DIAPH3: variants seen among roughly 807,000 people sequenced by gnomAD.
The protein encoded by DIAPH3 is diaphanous related formin 3.
A neutral mutation model predicts 144.3 loss-of-function variants in DIAPH3; 117 were observed. That is an observed-to-expected ratio of 0.81 (90% CI 0.70 to 0.95). DIAPH3 has a LOEUF of 0.95. Ranked by LOEUF, DIAPH3 falls within the 40% of genes least tolerant of loss-of-function variation. The pLI, the probability that DIAPH3 is intolerant of heterozygous loss-of-function variation, is 0.00. For synonymous variants in DIAPH3, 519 were observed against 488.9 expected (o/e 1.06, Z -0.81); for missense variants, 1,421 against 1,412.7 (o/e 1.01, Z -0.09).
At chr13:59,741,207 A>T (rs538523426) in intron 27 of DIAPH3, among the ~76,000 whole-genome samples, 21 of 152,344 alleles carry the variant, frequency 1.4e-4, no homozygotes, top group Admixed American at 2.0e-4. Context: ...AGAAATACAA[A>T]GGGAAGCTTT....
intron 4 of DIAPH3, among the ~76,000 whole-genome samples, chr13:60,067,944 GAATAATTCCATT>G (rs1288340801): frequency 6.6e-6 from 1 of 152,036 alleles, no homozygotes; most frequent in African/African-American, 2.4e-5. Flanking sequence ...TACACATAGA[GAATAATTCCATT>G]ATTTCTTAAT....
intron 7 of DIAPH3, among the ~76,000 whole-genome samples, chr13:60,014,386 G>A (rs560975707): frequency 2.0e-4 from 31 of 152,080 alleles, no homozygotes; most frequent in African/African-American, 2.9e-4. Flanking sequence ...TCAAAGAACC[G>A]TGAATTCAGC....
Position 59,701,905 on chromosome 13 carries a change from G to C in DIAPH3, c.3320-35059C>G, listed in dbSNP as rs142220235. 5.9e-5 allele frequency among the ~76,000 whole-genome samples: 9 copies of C among 152,290 alleles called. No homozygotes were observed. The South Asian group carries it at 1.7e-3, about 28-fold the overall frequency. On this transcript the variant is annotated intron_variant, in intron 27 of 27. Transcript: ENST00000400324. Reference sequence around the variant, plus strand: ...ATTCTTTCCTACTAGAAAGTTTAGCGTTCCTTAAAACCTCTGATATTTGAC... The same window carrying C: ...ATTCTTTCCTACTAGAAAGTTTAGCCTTCCTTAAAACCTCTGATATTTGAC...
intron 13 of DIAPH3, among the ~76,000 whole-genome samples, chr13:59,983,313 A>C (rs978081081): frequency 5.3e-5 from 8 of 151,340 alleles, no homozygotes; most frequent in African/African-American, 1.9e-4. Flanking sequence ...GCCTATGGAG[A>C]ATTTGTAACA....
At chr13:59,671,398 C>G (rs1315436669) in intron 27 of DIAPH3, among the ~76,000 whole-genome samples, 1 of 152,200 alleles carries the variant, frequency 6.6e-6, no homozygotes, top group Non-Finnish European at 1.5e-5. Flanking sequence ...TCACCATACA[C>G]ACTTTTAAAT....
At chr13:59,962,239 T>C (rs1182892874) in intron 17 of DIAPH3, among the ~76,000 whole-genome samples, 4 of 152,290 alleles carry the variant, frequency 2.6e-5, no homozygotes, top group Middle Eastern at 3.4e-3. Context: ...CCATTGACAG[T>C]CAAAGAAGTG....
chr13:60,116,145 T>C (rs1042447353), intron 2 of DIAPH3, among the ~76,000 whole-genome samples: 12 of 152,076 alleles, frequency 7.9e-5, no homozygotes, highest in African/African-American at 2.9e-4. Context: ...CAATCAACAG[T>C]TGTCTATTAG....
At chr13:59,977,802 T>C (rs1046534696) in intron 14 of DIAPH3, among the ~76,000 whole-genome samples, 1 of 151,774 alleles carries the variant, frequency 6.6e-6, no homozygotes, top group African/African-American at 2.4e-5. Context: ...AGTGTTGTTA[T>C]TTGGGGAAAA....
At chr13:60,025,771 T>C (rs2054334141) in intron 5 of DIAPH3, among the ~76,000 whole-genome samples, 1 of 151,730 alleles carries the variant, frequency 6.6e-6, no homozygotes, top group Non-Finnish European at 1.5e-5. Context: ...AAACATAATT[T>C]GGGATTAAAG....
intron 20 of DIAPH3, among the ~76,000 whole-genome samples, chr13:59,903,375 A>G (rs962250760): frequency 2.6e-5 from 4 of 152,162 alleles, no homozygotes; most frequent in African/African-American, 9.7e-5. Context: ...AATGTTTTTT[A>G]TAAGTGTTTC....
chr13:60,023,515 C>T (rs2054165326), intron 5 of DIAPH3, among the ~76,000 whole-genome samples: 1 of 151,826 alleles, frequency 6.6e-6, no homozygotes, highest in Non-Finnish European at 1.5e-5. Context: ...CTCACTGCAA[C>T]CTCTGCCTCC....
intron 9 of DIAPH3, among the ~76,000 whole-genome samples, chr13:59,998,236 GAAC>G (rs916804878): frequency 3.3e-5 from 5 of 152,026 alleles, no homozygotes; most frequent in African/African-American, 1.2e-4. Context: ...GGATACTAAA[GAAC>G]AAACTTGAAT....
intron 4 of DIAPH3, among the ~76,000 whole-genome samples, chr13:60,082,726 A>G (rs991778669): frequency 6.6e-6 from 1 of 152,114 alleles, no homozygotes; most frequent in Non-Finnish European, 1.5e-5. Context: ...GGAATCTACT[A>G]AAGAAGAAAC....
chr13:59,974,647 A>C (rs2050570463), intron 14 of DIAPH3, among the ~76,000 whole-genome samples, 191 bp from the exon 15 acceptor site: 1 of 151,546 alleles, frequency 6.6e-6, no homozygotes. Context: ...CCCAACCAAA[A>C]TCGTTCATTC....
chr13:60,015,909 A>G lies in DIAPH3; in HGVS notation c.771+4T>C. ...GGACAAATACTAATTACGTATGTAC[A>G]TACCTGCGTATTCATCAGGGCTTTT... On this transcript the variant is annotated splice_donor_region_variant and intron_variant, in intron 7 of 27. Coordinates refer to ENST00000400324, the MANE Select transcript of DIAPH3 (RefSeq NM_001042517.2). 1.9e-6 allele frequency: 3 copies of G among 1,609,574 alleles called. No individual in the cohort carries two copies. Among genetic ancestry groups the G allele is most frequent in the Non-Finnish European group, 2.5e-6 (3 of 1,176,876 alleles).
chr13:60,027,915 C>T (rs577741263), intron 5 of DIAPH3, among the ~76,000 whole-genome samples: 14 of 152,146 alleles, frequency 9.2e-5, no homozygotes, highest in East Asian at 1.9e-4. Context: ...CCGCTTGTCC[C>T]CACCCTAAAT....
intron 1 of DIAPH3, among the ~76,000 whole-genome samples, chr13:60,160,424 T>C (rs551371061): frequency 1.3e-5 from 2 of 152,318 alleles, no homozygotes; most frequent in African/African-American, 2.4e-5. Context: ...AGGCTCCCTT[T>C]GAATGGACTG....
At chr13:59,713,311 G>C (rs1315069501) in intron 27 of DIAPH3, among the ~76,000 whole-genome samples, 1 of 151,542 alleles carries the variant, frequency 6.6e-6, no homozygotes, top group Non-Finnish European at 1.5e-5. Context: ...TCCCACTTCA[G>C]CCTCTGGAGT....
chr13:60,015,979 T>C lies in DIAPH3; in HGVS notation c.705A>G (p.Gln235=), dbSNP rs2053615266. 1.2e-6 allele frequency: 2 copies of C among 1,613,094 alleles called. No individual in the cohort carries two copies. Among genetic ancestry groups the C allele is most frequent in the Non-Finnish European group, 8.5e-7 (1 of 1,179,512 alleles). ...GTTGATTTTTCTTTACAACTTTTTC[T>C]TGGCTGTATTGACATAAAAAATAGC... ...ILEKLISGKI[Q]EKVVKKNQHK... Residue 235 remains glutamine, a synonymous_variant, in exon 7 of 28, where the codon CAA becomes CAG. Transcript: ENST00000400324.
Sources: allele counts gnomAD v4.1 joint callset (sites outside exome capture counted in the v4.1 genomes callset), GRCh38; gene constraint gnomAD v4.1.1; transcripts MANE v1.5; gene names NCBI Gene and HGNC (gene_info 2026-07-23, HGNC 2026-07-21).